The following ULK4 variants were observed in gnomAD, a reference collection of about 807,000 sequenced individuals.
ULK4 encodes unc-51 like kinase 4, also known as inactive serine/threonine-protein kinase ULK4.
In ULK4, 133 loss-of-function variants were observed where a neutral mutation model predicts 160.6. That is an observed-to-expected ratio of 0.83 (90% CI 0.72 to 0.96). ULK4 has a LOEUF of 0.96. Among genes scored for constraint, ULK4 ranks in the 40% least tolerant of loss-of-function variants. The pLI, the probability that ULK4 is intolerant of heterozygous loss-of-function variation, is 0.00. For missense variants in ULK4, 1,580 were observed against 1,499.5 expected (o/e 1.05, Z -0.89); for synonymous variants, 534 against 539.8 (o/e 0.99, Z 0.15).
intron 32 of ULK4, among the ~76,000 whole-genome samples, chr3:41,515,822 G>A (rs1008788531): frequency 5.3e-5 from 8 of 152,124 alleles, no homozygotes; most frequent in African/African-American, 1.4e-4. Context: ...AGACAGAGCC[G>A]AATCATATCA....
At chr3:41,711,010 G>C (rs1463249242) in intron 25 of ULK4, among the ~76,000 whole-genome samples, 1 of 152,122 alleles carries the variant, frequency 6.6e-6, no homozygotes, top group African/African-American at 2.4e-5. Context: ...GATGCTGACA[G>C]TAAGGTCAAG....
chr3:41,395,911 T>C (rs1188545675), intron 35 of ULK4, among the ~76,000 whole-genome samples: 1 of 152,140 alleles, frequency 6.6e-6, no homozygotes, highest in Admixed American at 6.5e-5. Context: ...TACCCGGCCC[T>C]ATAAGGCAGG....
chr3:41,347,071 GAA>G (rs59924185), intron 35 of ULK4, among the ~76,000 whole-genome samples: 5 of 149,098 alleles, frequency 3.4e-5, no homozygotes, highest in South Asian at 2.1e-4. Context: ...AAATATTCAG[GAA>G]AAAAAAAACC....
intron 30 of ULK4, among the ~76,000 whole-genome samples, chr3:41,652,434 C>T (rs1368319946): frequency 6.6e-6 from 1 of 152,024 alleles, no homozygotes; most frequent in African/African-American, 2.4e-5. Context: ...ATGTAAAGAC[C>T]TGGGTTTGTT....
At chr3:41,926,552 G>A (rs765591958) in intron 5 of ULK4, among the ~76,000 whole-genome samples, 1 of 152,118 alleles carries the variant, frequency 6.6e-6, no homozygotes, top group Non-Finnish European at 1.5e-5. Flanking sequence ...AACCTCCTCC[G>A]AGCTAAAGAA....
At chr3:41,379,987 T>C (rs748224601) in intron 35 of ULK4, among the ~76,000 whole-genome samples, 1 of 152,144 alleles carries the variant, frequency 6.6e-6, no homozygotes, top group Non-Finnish European at 1.5e-5. Flanking sequence ...CACTGAGAAA[T>C]TGTTGGGTAG....
intron 35 of ULK4, among the ~76,000 whole-genome samples, chr3:41,325,507 C>T (rs1237197977): frequency 6.6e-6 from 1 of 152,120 alleles, no homozygotes; most frequent in Non-Finnish European, 1.5e-5. Flanking sequence ...CTAGAATATA[C>T]GTTATTGTTT....
At chr3:41,826,838 CA>C (rs1360873706) in intron 18 of ULK4, among the ~76,000 whole-genome samples, 6 of 144,006 alleles carry the variant, frequency 4.2e-5, no homozygotes, top group Admixed American at 2.7e-4. Flanking sequence ...CTCTCCACCC[CA>C]AATCAACAGA....
intron 21 of ULK4, among the ~76,000 whole-genome samples, chr3:41,773,184 C>T (rs1402412482): frequency 6.6e-6 from 1 of 152,124 alleles, no homozygotes; most frequent in Non-Finnish European, 1.5e-5. Flanking sequence ...CCTCTCTCAC[C>T]ACTCCTATTC....
intron 35 of ULK4, among the ~76,000 whole-genome samples, chr3:41,293,418 G>T (rs766303992): frequency 6.6e-6 from 1 of 152,150 alleles, no homozygotes; most frequent in African/African-American, 2.4e-5. Context: ...CACTCACTCC[G>T]TAACCCAGTG....
intron 18 of ULK4, among the ~76,000 whole-genome samples, chr3:41,821,031 C>T (rs760652945): frequency 1.1e-4 from 17 of 152,174 alleles, no homozygotes; most frequent in Non-Finnish European, 2.1e-4. Flanking sequence ...CACCACAACC[C>T]TTAACATCAG....
chr3:41,411,420 CT>C (rs556696303), intron 34 of ULK4, among the ~76,000 whole-genome samples: 200 of 142,902 alleles, frequency 1.4e-3, no homozygotes, highest in Middle Eastern at 3.7e-3. Flanking sequence ...ACATTCCTTT[CT>C]TTTTTTTTTT....
intron 32 of ULK4, among the ~76,000 whole-genome samples, chr3:41,506,767 A>AAAAAAAAAAAAATATATAT: frequency 1.8e-5 from 1 of 56,766 alleles, no homozygotes; most frequent in African/African-American, 8.2e-5. Flanking sequence ...TGTGATTTAA[A>AAAAAAAAAAAAATATATAT]ATATATATAT....
intron 31 of ULK4, among the ~76,000 whole-genome samples, chr3:41,602,231 A>T (rs1575472279): frequency 6.7e-6 from 1 of 149,212 alleles, no homozygotes; most frequent in Non-Finnish European, 1.5e-5. Context: ...GAAGAAAGGA[A>T]AGGAAAGGGA....
chr3:41,668,111 A>G (rs1362910845), intron 29 of ULK4, among the ~76,000 whole-genome samples: 1 of 152,202 alleles, frequency 6.6e-6, no homozygotes, highest in Non-Finnish European at 1.5e-5. Context: ...GGGAGAAGGA[A>G]CTGTATAATA....
At chr3:41,525,373 T>G (rs1375179125) in intron 32 of ULK4, among the ~76,000 whole-genome samples, 2 of 152,386 alleles carry the variant, frequency 1.3e-5, no homozygotes, top group East Asian at 3.9e-4. Context: ...TTGATGCACA[T>G]GCTGAATGCT....
chr3:41,336,232 A>G (rs536050820), intron 35 of ULK4, among the ~76,000 whole-genome samples: 1 of 152,356 alleles, frequency 6.6e-6, no homozygotes, highest in South Asian at 2.1e-4. Flanking sequence ...CAATGAAACT[A>G]TCTCTGGAGA....
chr3:41,412,784 C>G (rs2082435674), intron 34 of ULK4, among the ~76,000 whole-genome samples: 1 of 151,910 alleles, frequency 6.6e-6, no homozygotes, highest in Non-Finnish European at 1.5e-5. Context: ...TGGTCTCGAA[C>G]TCCTGGCCTC....
chr3:41,562,038 C>G (rs1311579465), intron 32 of ULK4, among the ~76,000 whole-genome samples: 1 of 152,178 alleles, frequency 6.6e-6, no homozygotes, highest in Non-Finnish European at 1.5e-5. Context: ...TTTAATGTGT[C>G]CCAGAGATTC....
Sources: gnomAD v4.1 joint callset for allele counts (sites outside exome capture counted in the v4.1 genomes callset) on GRCh38, gnomAD v4.1.1 for gene constraint, MANE v1.5 for transcripts, NCBI Gene and HGNC (gene_info 2026-07-23, HGNC 2026-07-21) for gene names.